The following TMEM114 variants were observed in gnomAD, a reference collection of about 807,000 sequenced individuals.
The protein encoded by TMEM114 is transmembrane protein 114, also known as claudin-26.
TMEM114 carries 6 observed loss-of-function variants against 6.2 expected under a neutral mutation model. That is an observed-to-expected ratio of 0.97 (90% CI 0.53 to 1.91). TMEM114 has a LOEUF of 1.91. Ranked by LOEUF, TMEM114 falls within the 40% of genes most tolerant of loss-of-function variation. The pLI is 0.01. For synonymous variants in TMEM114, 104 were observed against 73.0 expected, an observed-to-expected ratio of 1.42 and a Z score of -2.16; for missense variants, 218 against 158.3, an observed-to-expected ratio of 1.38 and a Z score of -2.02.
At chr16:8,533,873 G>A (rs1900283658), downstream of TMEM114, among the ~76,000 whole-genome samples, 1 of 152,130 alleles carries the variant, frequency 6.6e-6, no homozygotes, top group African/African-American at 2.4e-5. Flanking sequence ...AGTCATCCCG[G>A]GAAAGTGATA....
intron 2 of TMEM114, among the ~76,000 whole-genome samples, chr16:8,543,816 A>T (rs1011656450): frequency 3.9e-5 from 6 of 152,238 alleles, no homozygotes; most frequent in African/African-American, 1.4e-4. Context: ...TGCTGAAAGA[A>T]TATTTGAAGA....
At chr16:8,572,965 A>G in intron 2 of TMEM114, among the ~76,000 whole-genome samples, 1 of 152,186 alleles carries the variant, frequency 6.6e-6, no homozygotes, top group East Asian at 1.9e-4. Flanking sequence ...TTTGGAAGTT[A>G]TCCTTCTCCC....
At chr16:8,550,698 AC>A (rs1849000840) in intron 2 of TMEM114, among the ~76,000 whole-genome samples, 1 of 89,898 alleles carries the variant, frequency 1.1e-5, no homozygotes, top group Middle Eastern at 5.7e-3. Flanking sequence ...AAAAAAAAAA[AC>A]CAAAAAAAAA....
At chr16:8,572,395 G>A (rs568383146) in intron 2 of TMEM114, 171 bp from the exon 3 acceptor site, 23 of 729,258 alleles carry the variant, frequency 3.2e-5, no homozygotes, top group Non-Finnish European at 5.3e-5. Context: ...TGACAACAGT[G>A]GTTGAGGCTC....
intron 2 of TMEM114, among the ~76,000 whole-genome samples, chr16:8,553,677 T>G (rs889889308): frequency 1.8e-4 from 28 of 152,198 alleles, no homozygotes; most frequent in Non-Finnish European, 3.1e-4. Flanking sequence ...GAGATGGGGC[T>G]TCACTGTGTT....
intron 2 of TMEM114, among the ~76,000 whole-genome samples, chr16:8,582,203 G>A (rs1252312928): frequency 1.3e-5 from 2 of 152,170 alleles, no homozygotes; most frequent in Non-Finnish European, 2.9e-5. Context: ...GTTGGACAAG[G>A]CATTTGACCT....
At chr16:8,534,543 C>T (rs571248907), downstream of TMEM114, among the ~76,000 whole-genome samples, 2 of 152,156 alleles carry the variant, frequency 1.3e-5, no homozygotes, top group Admixed American at 6.5e-5. Flanking sequence ...GTTCCCATCA[C>T]TACTTTTCCT....
At chr16:8,547,621 G>A (rs1157881245) in intron 2 of TMEM114, among the ~76,000 whole-genome samples, 1 of 152,078 alleles carries the variant, frequency 6.6e-6, no homozygotes, top group African/African-American at 2.4e-5. Flanking sequence ...TTGAACTCCT[G>A]ACCTTGTGAT....
downstream of TMEM114, among the ~76,000 whole-genome samples, chr16:8,566,135 C>A (rs1352474114): frequency 6.6e-6 from 1 of 152,052 alleles, no homozygotes; most frequent in Non-Finnish European, 1.5e-5. Context: ...CTTTGGGAGG[C>A]CAAGGTAGGT....
At chr16:8,558,898 G>A (rs1596475663) in intron 2 of TMEM114, among the ~76,000 whole-genome samples, 1 of 140,542 alleles carries the variant, frequency 7.1e-6, no homozygotes, top group East Asian at 2.1e-4. Context: ...GTGCCACCAT[G>A]CCCAGCTAAT....
intron 2 of TMEM114, among the ~76,000 whole-genome samples, chr16:8,582,260 G>A (rs1473859033): frequency 1.3e-5 from 2 of 151,566 alleles, no homozygotes; most frequent in Non-Finnish European, 2.9e-5. Context: ...TCTCTTATGG[G>A]CTCTTAGGAG....
the TMEM114 span, chr16:8,531,799 G>T: frequency 6.6e-6 from 1 of 152,194 alleles, no homozygotes; most frequent in East Asian, 1.9e-4. Context: ...TGAGAAAACT[G>T]AATAGTCTGT....
chr16:8,541,984 G>A (rs943839280), intron 2 of TMEM114, among the ~76,000 whole-genome samples: 14 of 152,134 alleles, frequency 9.2e-5, no homozygotes, highest in African/African-American at 2.9e-4. Flanking sequence ...ACCTCTAAGG[G>A]ATCCACCACC....
the TMEM114 span, chr16:8,526,807 A>G: frequency 6.6e-6 from 1 of 152,168 alleles, no homozygotes; most frequent in Non-Finnish European, 1.5e-5. Context: ...ATTCCCACCC[A>G]TCCCCTGGTC....
downstream of TMEM114, among the ~76,000 whole-genome samples, chr16:8,567,934 T>G (rs1901600057): frequency 6.6e-6 from 1 of 152,200 alleles, no homozygotes; most frequent in Non-Finnish European, 1.5e-5. Flanking sequence ...CATGTGGCCA[T>G]GTGAGTAACC....
At chr16:8,570,098 C>G (rs1901682445) in intron 3 of TMEM114, 93 bp from the exon 4 acceptor site, 1 of 1,448,396 alleles carries the variant, frequency 6.9e-7, no homozygotes, top group African/African-American at 1.4e-5. Flanking sequence ...CGCTGCTCAG[C>G]GTCCAGCGTC....
At chr16:8,541,064 C>T (rs932218854) in intron 2 of TMEM114, among the ~76,000 whole-genome samples, 1 of 151,890 alleles carries the variant, frequency 6.6e-6, no homozygotes, top group Non-Finnish European at 1.5e-5. Flanking sequence ...CTGGACCAGC[C>T]CCATGCAGGG....
At chr16:8,550,699 CCAAA>C (rs1567197316) in intron 2 of TMEM114, among the ~76,000 whole-genome samples, 43 of 119,262 alleles carry the variant, frequency 3.6e-4, no homozygotes, top group African/African-American at 1.7e-3. Flanking sequence ...AAAAAAAAAA[CCAAA>C]AAAAAAAAGC....
chr16:8,555,797 T>A (rs1031446651), intron 2 of TMEM114, among the ~76,000 whole-genome samples: 4 of 152,160 alleles, frequency 2.6e-5, no homozygotes, highest in Non-Finnish European at 5.9e-5. Flanking sequence ...CTGGGTGGAA[T>A]CCAGGGATTC....
Sources: gnomAD v4.1 joint callset for allele counts (sites outside exome capture counted in the v4.1 genomes callset) on GRCh38, gnomAD v4.1.1 for gene constraint, MANE v1.5 for transcripts, NCBI Gene and HGNC (gene_info 2026-07-23, HGNC 2026-07-21) for gene names.